The following LRFN2 variants were observed in gnomAD, a reference collection of about 807,000 sequenced individuals.
LRFN2 encodes the protein leucine rich repeat and fibronectin type III domain containing 2, also known as leucine-rich repeat and fibronectin type-III domain-containing protein 2.
Under a neutral mutation model 37.3 loss-of-function variants are expected in LRFN2, and 18 were observed. The observed-to-expected ratio is 0.48, with a 90% CI of 0.33 to 0.72. LRFN2 has a LOEUF of 0.72. Among genes scored for constraint, LRFN2 ranks in the 30% least tolerant of loss-of-function variants. The probability of loss-of-function intolerance (pLI) is 0.02; values close to 1 mark genes in which losing one functional copy is unlikely to be tolerated. For missense variants in LRFN2, 1,006 were observed against 1,060.7 expected (o/e 0.95, Z 0.72); for synonymous variants, 556 against 466.6 (o/e 1.19, Z -2.47).
intron 1 of LRFN2, among the ~76,000 whole-genome samples, chr6:40,529,268 G>A (rs1206259980): frequency 6.6e-6 from 1 of 152,176 alleles, no homozygotes; most frequent in Non-Finnish European, 1.5e-5. Flanking sequence ...ACCCTGGACT[G>A]AATGGGAAGG....
chr6:40,408,395 G>A (rs1489946597), intron 2 of LRFN2, among the ~76,000 whole-genome samples: 1 of 152,154 alleles, frequency 6.6e-6, no homozygotes, highest in Non-Finnish European at 1.5e-5. Context: ...TATTGTCTAT[G>A]GGCTTGGGTG....
Position 40,476,283 on chromosome 6 carries a change from G to A in LRFN2, c.-18-43152C>T, listed in dbSNP as rs368355804. The stretch of plus-strand genomic sequence containing the variant: ...GTGTCTGCCTTCTGTCTGCCGCTAC[G>A]TTTCTCCAGACTTATCTCCTCCAAG... On this transcript the variant is annotated intron_variant, in intron 1 of 2. Transcript: ENST00000338305. Among the ~76,000 whole-genome samples, 20 of 152,312 alleles carry A rather than the reference G, an allele frequency of 1.3e-4. No homozygotes were observed. The South Asian group carries it at 2.9e-3, about 22-fold the overall frequency.
chr6:40,479,405 A>AGT (rs1188729149), intron 1 of LRFN2, among the ~76,000 whole-genome samples: 1 of 152,214 alleles, frequency 6.6e-6, no homozygotes, highest in Non-Finnish European at 1.5e-5. Context: ...CAAGGGTTTT[A>AGT]GTGCCAGCTC....
In LRFN2 at chr6:40,449,217, A is replaced by C. The variant is rs57002355; in HGVS notation, c.-18-16086T>G. ...ATTTGAGGTGATGGATATGTTAACT[A>C]ACTTGACATAATTATTCCACAATGT... is the stretch of plus-strand genomic sequence containing the variant. On this transcript the variant is annotated intron_variant, in intron 1 of 2. Coordinates refer to ENST00000338305, the MANE Select transcript of LRFN2 (RefSeq NM_020737.3). 8.9e-3 allele frequency among the ~76,000 whole-genome samples: 1,353 copies of C among 152,312 alleles called. 21 individuals are homozygous for C. The highest frequency in any genetic ancestry group is 0.031 in the African/African-American group (1,269 of 41,532).
intron 1 of LRFN2, among the ~76,000 whole-genome samples, chr6:40,534,884 C>T (rs1159684057): frequency 6.6e-6 from 1 of 152,160 alleles, no homozygotes; most frequent in Non-Finnish European, 1.5e-5. Context: ...TAGAAAATCC[C>T]TAGGCAATGA....
intron 1 of LRFN2, among the ~76,000 whole-genome samples, chr6:40,434,520 C>T (rs1763595810): frequency 6.6e-6 from 1 of 151,162 alleles, no homozygotes. Flanking sequence ...ACTCTGTCTC[C>T]CAGGGGAGCG....
intron 1 of LRFN2, among the ~76,000 whole-genome samples, chr6:40,527,012 A>T (rs183667193): frequency 3.9e-4 from 60 of 152,324 alleles, no homozygotes; most frequent in African/African-American, 1.2e-3. Flanking sequence ...TGGATTTGTC[A>T]TCAGGATCTC....
chr6:40,529,217 A>T (rs1448823441), intron 1 of LRFN2, among the ~76,000 whole-genome samples: 1 of 152,154 alleles, frequency 6.6e-6, no homozygotes, highest in African/African-American at 2.4e-5. Flanking sequence ...AGGCTGTGAG[A>T]GGTCAGCCAG....
At chr6:40,458,993 C>T (rs1234728916) in intron 1 of LRFN2, among the ~76,000 whole-genome samples, 1 of 152,212 alleles carries the variant, frequency 6.6e-6, no homozygotes, top group African/African-American at 2.4e-5. Context: ...GCAACTTTAC[C>T]TTATCCTAAC....
intron 2 of LRFN2, among the ~76,000 whole-genome samples, chr6:40,419,895 C>A (rs571638375): frequency 6.6e-6 from 1 of 152,210 alleles, no homozygotes; most frequent in African/African-American, 2.4e-5. Context: ...AATTCATTTA[C>A]GTTTTAACCT....
chr6:40,470,402 G>A (rs145123549), intron 1 of LRFN2, among the ~76,000 whole-genome samples: 2,057 of 152,330 alleles, frequency 0.014, 57 homozygotes, highest in African/African-American at 0.046. Flanking sequence ...ACGAGGTCAG[G>A]AGATCAAGAC....
chr6:40,490,054 G>A (rs1352993592), intron 1 of LRFN2, among the ~76,000 whole-genome samples: 1 of 152,166 alleles, frequency 6.6e-6, no homozygotes, highest in African/African-American at 2.4e-5. Flanking sequence ...CCAGCACCCA[G>A]AGATCAGTCA....
chr6:40,432,510 G>C lies in LRFN2; in HGVS notation c.604C>G (p.Leu202Val). The change falls in exon 2 of 3, where the codon CTG becomes GTG. Residue 202 changes from leucine (L) to valine (V), a missense_variant. Leu to Val is a conservative substitution (Grantham distance 32, BLOSUM62 1). Transcript: ENST00000338305. The part of the protein sequence containing the change: ...TFADLQKLAR[L>V]DLTSNRLQKL... The stretch of plus-strand genomic sequence containing the variant: ...TGCAGCCGATTGGAGGTGAGATCCA[G>C]GCGGGCCAGTTTCTGCAGGTCTGCA... 6.2e-7 allele frequency: 1 copy of C among 1,614,252 alleles called. No individual in the cohort carries two copies.
intron 1 of LRFN2, among the ~76,000 whole-genome samples, chr6:40,468,768 C>T (rs950996974): frequency 1.3e-5 from 2 of 152,146 alleles, no homozygotes; most frequent in African/African-American, 4.8e-5. Flanking sequence ...TCCTGTTCCA[C>T]CTCTGCCCCT....
chr6:40,474,548 G>A (rs1042578281), intron 1 of LRFN2, among the ~76,000 whole-genome samples: 4 of 152,124 alleles, frequency 2.6e-5, no homozygotes, highest in Admixed American at 1.3e-4. Flanking sequence ...GGAGTGCGGT[G>A]GCACGATCTG....
At chr6:40,551,285 C>A (rs1341119163) in intron 1 of LRFN2, among the ~76,000 whole-genome samples, 3 of 152,200 alleles carry the variant, frequency 2.0e-5, no homozygotes, top group Non-Finnish European at 4.4e-5. Flanking sequence ...GAGGTAGGGT[C>A]TCTGTCCTTC....
intron 1 of LRFN2, among the ~76,000 whole-genome samples, chr6:40,461,124 G>T (rs1426526959): frequency 1.3e-5 from 2 of 152,164 alleles, no homozygotes; most frequent in African/African-American, 4.8e-5. Flanking sequence ...TTTACACACT[G>T]GGCTGGGCGC....
chr6:40,530,091 G>A (rs987845404), intron 1 of LRFN2, among the ~76,000 whole-genome samples: 12 of 152,252 alleles, frequency 7.9e-5, no homozygotes, highest in East Asian at 5.8e-4. Context: ...GAGAGTCGTC[G>A]CAGAAGGAAT....
intron 1 of LRFN2, among the ~76,000 whole-genome samples, chr6:40,513,380 C>T (rs1420325142): frequency 1.3e-5 from 2 of 151,980 alleles, no homozygotes; most frequent in African/African-American, 4.8e-5. Flanking sequence ...ATTACAGGTG[C>T]ATGCCACCAC....
Sources: allele counts gnomAD v4.1 joint callset (sites outside exome capture counted in the v4.1 genomes callset), GRCh38; gene constraint gnomAD v4.1.1; transcripts MANE v1.5; gene names NCBI Gene and HGNC (gene_info 2026-07-23, HGNC 2026-07-21).